The following NRG2 variants were observed in gnomAD, a reference collection of about 807,000 sequenced individuals.
NRG2 encodes neuregulin 2.
A neutral mutation model predicts 73.9 loss-of-function variants in NRG2; 27 were observed. The observed-to-expected ratio is 0.37, with a 90% CI of 0.27 to 0.50. The LOEUF is 0.50. NRG2 is among the 20% of genes least tolerant of loss of function. NRG2 has a pLI of 0.96. For missense variants in NRG2, 1,126 were observed against 1,210.1 expected (o/e 0.93, Z 1.03); for synonymous variants, 532 against 541.0 (o/e 0.98, Z 0.23).
intron 1 of NRG2, among the ~76,000 whole-genome samples, chr5:139,922,750 A>T (rs1237403297): frequency 6.6e-6 from 1 of 152,210 alleles, no homozygotes. Context: ...ACAACCTGAC[A>T]ATGGAATATT....
At chr5:139,967,006 G>T (rs1755572198) in intron 1 of NRG2, among the ~76,000 whole-genome samples, 1 of 152,118 alleles carries the variant, frequency 6.6e-6, no homozygotes, top group South Asian at 2.1e-4. Context: ...CACATCAATA[G>T]AACTTATTTG....
chr5:140,003,778 TCTC>T (rs2126628702), intron 1 of NRG2, among the ~76,000 whole-genome samples: 1 of 152,304 alleles, frequency 6.6e-6, no homozygotes, highest in Admixed American at 6.5e-5. Context: ...TCTGTAGTCT[TCTC>T]CTAATTCAAA....
Position 139,887,565 on chromosome 5 carries a change from G to C in NRG2, c.701-54C>G. On this transcript the variant is annotated intron_variant, in intron 1 of 9. Transcript: ENST00000361474. The surrounding 1 kb of genome is among the most constrained non-coding windows in gnomAD (Gnocchi z 4.5). Reference sequence around the variant, plus strand: ...ACGGTGGTGGTAGGGGCAGTGCCAAGCATGAGTAGTGGAGAGTAAGGGCCA... The same window carrying C: ...ACGGTGGTGGTAGGGGCAGTGCCAACCATGAGTAGTGGAGAGTAAGGGCCA... The C allele has an allele frequency of 6.4e-7, 1 of 1,552,354 alleles. No homozygotes were observed. The highest frequency in any genetic ancestry group is 1.7e-5 in the Admixed American group (1 of 57,482).
At chr5:140,021,465 T>A (rs1760218052) in intron 1 of NRG2, among the ~76,000 whole-genome samples, 1 of 152,234 alleles carries the variant, frequency 6.6e-6, no homozygotes, top group Non-Finnish European at 1.5e-5. Context: ...AAGGTGGGTA[T>A]GGAACACTGG....
intron 1 of NRG2, among the ~76,000 whole-genome samples, chr5:139,964,229 A>G (rs1755301704): frequency 6.6e-6 from 1 of 152,194 alleles, no homozygotes; most frequent in African/African-American, 2.4e-5. Context: ...GAAAATGGTA[A>G]TAACTCGAAT....
At chr5:139,876,722 T>C (rs1392108701) in intron 3 of NRG2, among the ~76,000 whole-genome samples, 2 of 152,084 alleles carry the variant, frequency 1.3e-5, no homozygotes, top group African/African-American at 4.8e-5. Context: ...AGTGCTCCTT[T>C]ATCCATCGAG....
chr5:140,021,053 G>A (rs949514443), intron 1 of NRG2, among the ~76,000 whole-genome samples: 2 of 152,228 alleles, frequency 1.3e-5, no homozygotes, highest in East Asian at 1.9e-4. Flanking sequence ...ATCTTTGAGT[G>A]AGCAAACTGG....
rs1765101206 is a variant in NRG2, at chr5:139,904,468, G to A, written c.701-16957C>T. On this transcript the variant is annotated intron_variant, in intron 1 of 9. Transcript: ENST00000361474. The surrounding 1 kb of genome is among the most constrained non-coding windows in gnomAD (Gnocchi z 6.0). ...CCGCGCTGCGCCCCCGCCGCCTGCA[G>A]CCTCAGTGCCCGAGCGCGGCGCCTT... 2.9e-5 allele frequency: 26 copies of A among 895,580 alleles called. No individual in the cohort carries two copies. In the South Asian group the frequency reaches 4.0e-4, roughly 14 times the overall value. 55.5% of individuals were successfully genotyped at this position (895,580 alleles called of 1,614,324 possible).
chr5:139,990,015 C>T (rs935098682), intron 1 of NRG2, among the ~76,000 whole-genome samples: 1 of 151,458 alleles, frequency 6.6e-6, no homozygotes, highest in African/African-American at 2.4e-5. Context: ...GTCTTGATCT[C>T]CTGACCTTGT....
At chr5:139,878,405 G>A (rs948877765) in intron 3 of NRG2, among the ~76,000 whole-genome samples, 2 of 152,180 alleles carry the variant, frequency 1.3e-5, no homozygotes, top group Admixed American at 6.5e-5. Flanking sequence ...TCCGGGTGGT[G>A]GGCTGGGATG....
At chr5:139,983,905 T>C (rs1029495734) in intron 1 of NRG2, among the ~76,000 whole-genome samples, 2 of 152,174 alleles carry the variant, frequency 1.3e-5, no homozygotes, top group African/African-American at 2.4e-5. Flanking sequence ...TTTCCTGGCA[T>C]AGCACAATTC....
At chr5:139,956,806 G>A (rs941976516) in intron 1 of NRG2, among the ~76,000 whole-genome samples, 7 of 152,206 alleles carry the variant, frequency 4.6e-5, no homozygotes, top group Admixed American at 2.0e-4. Flanking sequence ...TTCAGTGCCC[G>A]ACAAAGGGTC....
Position 140,042,605 on chromosome 5 carries a change from C to G in NRG2, c.465G>C (p.Ser155=), listed in dbSNP as rs553375113. Residue 155 remains serine (S), a synonymous_variant, in exon 1 of 10, where the codon TCG becomes TCC. Coordinates refer to ENST00000361474, the MANE Select transcript of NRG2 (RefSeq NM_004883.3). ...SSNSTREPPA[S]GRVALVKVLD... ...GCACCTTTACCAACGCCACCCGACC[C>G]GAGGCGGGCGGCTCTCGGGTGCTGT... The G allele has an allele frequency of 3.1e-6, 5 of 1,611,268 alleles. No homozygotes were observed. In the South Asian group the frequency reaches 5.5e-5, roughly 18 times the overall value.
chr5:139,988,025 C>T (rs935791438), intron 1 of NRG2, among the ~76,000 whole-genome samples: 2 of 152,158 alleles, frequency 1.3e-5, no homozygotes, highest in Non-Finnish European at 2.9e-5. Context: ...CCGCCTGCCT[C>T]GGCCTCCCAA....
chr5:139,867,611 G>A (rs367991036), intron 4 of NRG2, among the ~76,000 whole-genome samples: 14 of 152,208 alleles, frequency 9.2e-5, no homozygotes, highest in African/African-American at 3.4e-4. Context: ...AGAGGGAGAA[G>A]TGATTTTCAA....
intron 1 of NRG2, among the ~76,000 whole-genome samples, chr5:139,986,404 C>G (rs1482885515): frequency 6.6e-6 from 1 of 152,158 alleles, no homozygotes; most frequent in Non-Finnish European, 1.5e-5. Context: ...TTATAAAGCA[C>G]ACATACACAC....
chr5:139,937,319 C>A (rs1029565407), intron 1 of NRG2, among the ~76,000 whole-genome samples: 2 of 152,098 alleles, frequency 1.3e-5, no homozygotes, highest in African/African-American at 4.8e-5. Flanking sequence ...GGGATTCCCT[C>A]GATCTGATAA....
intron 5 of NRG2, among the ~76,000 whole-genome samples, chr5:139,864,141 C>T (rs1309883510): frequency 6.6e-6 from 1 of 152,092 alleles, no homozygotes; most frequent in Non-Finnish European, 1.5e-5. Context: ...TCGGGGGGCA[C>T]GCAGGGGCCT....
intron 1 of NRG2, among the ~76,000 whole-genome samples, chr5:139,935,957 TTAAAAAA>T (rs1227086275): frequency 1.8e-5 from 2 of 113,242 alleles, no homozygotes; most frequent in African/African-American, 7.3e-5. Flanking sequence ...AGACTCTGTC[TTAAAAAA>T]AAAAAAAAAA....
Sources: gnomAD v4.1 joint callset for allele counts (sites outside exome capture counted in the v4.1 genomes callset) on GRCh38, gnomAD v4.1.1 for gene constraint, Gnocchi (gnomAD v3.1) non-coding constraint, MANE v1.5 for transcripts, NCBI Gene and HGNC (gene_info 2026-07-23, HGNC 2026-07-21) for gene names.